Variants in RRM1 observed in about 807,000 individuals in gnomAD.
RRM1 encodes ribonucleotide reductase catalytic subunit M1.
Under a neutral mutation model 101.5 loss-of-function variants are expected in RRM1, and 19 were observed. The observed-to-expected ratio is 0.19, with a 90% CI of 0.13 to 0.27. The LOEUF (loss-of-function observed/expected upper bound fraction) is 0.27, where lower values mean the gene tolerates loss of function less well. Among genes scored for constraint, RRM1 ranks in the 10% least tolerant of loss-of-function variants. The pLI is 1.00. For missense variants in RRM1, 500 were observed against 962.9 expected (o/e 0.52, Z 6.36); for synonymous variants, 298 against 323.4 (o/e 0.92, Z 0.84).
intron 14 of RRM1, among the ~76,000 whole-genome samples, chr11:4,127,685 A>G (rs1227485662): frequency 1.3e-5 from 2 of 152,220 alleles, no homozygotes; most frequent in East Asian, 3.9e-4. Flanking sequence ...ATTTTTGTTA[A>G]GTTACCAAGT....
At chr11:4,108,873 G>T (rs2094561810) in intron 4 of RRM1, among the ~76,000 whole-genome samples, 1 of 152,098 alleles carries the variant, frequency 6.6e-6, no homozygotes, top group Non-Finnish European at 1.5e-5. Flanking sequence ...AAGAGAAAAG[G>T]AAAGCAAGCT....
intron 7 of RRM1, among the ~76,000 whole-genome samples, chr11:4,115,507 C>CAA (rs1217828429): frequency 1.9e-5 from 2 of 105,188 alleles, no homozygotes; most frequent in Non-Finnish European, 4.2e-5. Flanking sequence ...GGGAGCACTC[C>CAA]AAAAAAAAAA....
chr11:4,116,975 AG>A (rs202206869), intron 7 of RRM1, among the ~76,000 whole-genome samples: 1,675 of 146,142 alleles, frequency 0.011, 28 homozygotes, highest in African/African-American at 0.036. Flanking sequence ...TCAAAAAAAA[AG>A]AAAAGAAAAG....
intron 4 of RRM1, 33 bp from the exon 5 acceptor site, chr11:4,109,611 A>G: frequency 1.3e-6 from 2 of 1,557,082 alleles, no homozygotes; most frequent in Non-Finnish European, 1.7e-6. Context: ...AATTATTTTA[A>G]TTTAATTATG....
At chr11:4,134,359 A>G (rs2094605585) in intron 17 of RRM1, among the ~76,000 whole-genome samples, 1 of 152,234 alleles carries the variant, frequency 6.6e-6, no homozygotes, top group African/African-American at 2.4e-5. Flanking sequence ...ACTGAAATTA[A>G]GAGAGTCAAG....
chr11:4,108,107 CCAAAAAGGTTGCT>C (rs2094560671), intron 4 of RRM1, among the ~76,000 whole-genome samples: 1 of 152,108 alleles, frequency 6.6e-6, no homozygotes, highest in Non-Finnish European at 1.5e-5. Flanking sequence ...AAACTGACTC[CCAAAAAGGTTGCT>C]CAGGTAAAAT....
At chr11:4,122,991 C>T (rs1204589779) in intron 11 of RRM1, among the ~76,000 whole-genome samples, 192 bp from the exon 12 acceptor site, 2 of 152,110 alleles carry the variant, frequency 1.3e-5, no homozygotes, top group African/African-American at 4.8e-5. Flanking sequence ...CATCTGAAGG[C>T]ACCTAAAACT....
intron 15 of RRM1, among the ~76,000 whole-genome samples, chr11:4,131,528 C>T (rs941384601): frequency 6.6e-6 from 1 of 152,170 alleles, no homozygotes; most frequent in Non-Finnish European, 1.5e-5. Flanking sequence ...CGGAAAGGTA[C>T]AGGTCAGAGA....
At chr11:4,126,989 G>T (rs760535913) in intron 13 of RRM1, 46 bp from the exon 14 acceptor site, 1 of 1,537,014 alleles carries the variant, frequency 6.5e-7, no homozygotes. Context: ...TGCTTTTCCT[G>T]TTCAGTAATG....
intron 1 of RRM1, among the ~76,000 whole-genome samples, chr11:4,098,256 T>C (rs758668464): frequency 6.6e-6 from 1 of 152,136 alleles, no homozygotes; most frequent in Non-Finnish European, 1.5e-5. Context: ...TTATTCCAGA[T>C]TCTTTCCCTA....
chr11:4,119,738 G>C, intron 8 of RRM1, 107 bp from the exon 9 acceptor site: 1 of 729,188 alleles, frequency 1.4e-6, no homozygotes, highest in Non-Finnish European at 2.4e-6. Context: ...AAACTTCATA[G>C]ATTGCTACCT....
In RRM1 at chr11:4,109,548, G is replaced by A. The variant is rs374946805; in HGVS notation, c.388-96G>A. 3.5e-6 allele frequency: 3 copies of A among 845,112 alleles called. No individual in the cohort carries two copies. In the African/African-American group the frequency reaches 5.2e-5, roughly 15 times the overall value. 52.4% of individuals were successfully genotyped at this position (845,112 alleles called of 1,614,324 possible). Reference sequence around the variant, plus strand: ...GTGTTATCTCATTGTATCCTGTGTTGATTTTAGTTCTGGAGTCAGGGCCGA... The same window carrying A: ...GTGTTATCTCATTGTATCCTGTGTTAATTTTAGTTCTGGAGTCAGGGCCGA... On this transcript the variant is annotated intron_variant, in intron 4 of 18. Coordinates refer to ENST00000300738, the MANE Select transcript of RRM1 (RefSeq NM_001033.5).
At position 4,127,175 on chromosome 11, in the gene RRM1, T is replaced by C. The variant is rs533944106; in HGVS notation, c.1611T>C (p.Tyr537=). The change falls in exon 14 of 19, where the codon TAT becomes TAC. Residue 537 remains tyrosine (Y), a synonymous_variant. Transcript: ENST00000300738. ...AGCAGATCTTTGAAACTATTTATTA[T>C]GGTGCTCTGGAAGCCAGCTGTGACC... The part of the protein sequence containing the change: ...LNKQIFETIY[Y]GALEASCDLA... 8.7e-6 allele frequency: 14 copies of C among 1,613,924 alleles called. No homozygotes were observed. The South Asian group carries it at 1.2e-4, about 14-fold the overall frequency.
intron 1 of RRM1, among the ~76,000 whole-genome samples, chr11:4,096,479 C>G (rs2735691): frequency 0.39 from 59,253 of 152,090 alleles, 14,181 homozygotes; most frequent in Non-Finnish European, 0.53. Context: ...TAACTACAGA[C>G]AAGAGTTGGA....
At chr11:4,126,902 T>G in intron 13 of RRM1, 69 bp downstream of exon 13, 18 of 1,457,374 alleles carry the variant, frequency 1.2e-5, no homozygotes, top group Non-Finnish European at 1.7e-5. Flanking sequence ...ATCATGATCT[T>G]CAAGTCATCA....
chr11:4,133,980 ATTTTTT>A (rs34715101), intron 17 of RRM1, among the ~76,000 whole-genome samples: 13 of 90,864 alleles, frequency 1.4e-4, no homozygotes, highest in Admixed American at 4.5e-4. Context: ...CCAGACATCA[ATTTTTT>A]TTTTTTTTTT....
chr11:4,115,074 G>T (rs752431424), intron 7 of RRM1, among the ~76,000 whole-genome samples: 3 of 151,896 alleles, frequency 2.0e-5, no homozygotes, highest in Non-Finnish European at 4.4e-5. Flanking sequence ...ATAAATAAAT[G>T]GAATAGATTC....
At chr11:4,119,675 T>C (rs1392311837) in intron 8 of RRM1, 170 bp from the exon 9 acceptor site, 2 of 589,796 alleles carry the variant, frequency 3.4e-6, no homozygotes, top group Admixed American at 6.9e-5. Flanking sequence ...CAACATTTTG[T>C]TGATTTTATT....
chr11:4,105,431 A>AT (rs1350112787), intron 2 of RRM1, among the ~76,000 whole-genome samples: 2 of 151,840 alleles, frequency 1.3e-5, no homozygotes, highest in Non-Finnish European at 2.9e-5. Context: ...GGGTCTCATT[A>AT]TATTGCTCAG....
Sources: allele counts gnomAD v4.1 joint callset (sites outside exome capture counted in the v4.1 genomes callset), GRCh38; gene constraint gnomAD v4.1.1; transcripts MANE v1.5; gene names NCBI Gene and HGNC (gene_info 2026-07-23, HGNC 2026-07-21).